Variants in GABRG2 observed in about 807,000 individuals in gnomAD.
GABRG2 encodes gamma-aminobutyric acid receptor subunit gamma-2.
GABRG2 carries 16 observed loss-of-function variants against 56.4 expected under a neutral mutation model. That is an observed-to-expected ratio of 0.28 (90% CI 0.19 to 0.43). GABRG2 has a LOEUF of 0.43. Ranked by LOEUF, GABRG2 falls within the 20% of genes least tolerant of loss-of-function variation. The probability of loss-of-function intolerance (pLI) is 1.00; values close to 1 mark genes in which losing one functional copy is unlikely to be tolerated. For missense variants in GABRG2, 327 were observed against 582.7 expected, an observed-to-expected ratio of 0.56 and a Z score of 4.52; for synonymous variants, 208 against 205.5, an observed-to-expected ratio of 1.01 and a Z score of -0.10.
At chr5:162,075,268 A>G (rs1390796859) in intron 1 of GABRG2, among the ~76,000 whole-genome samples, 4 of 152,146 alleles carry the variant, frequency 2.6e-5, no homozygotes, top group Non-Finnish European at 5.9e-5. Flanking sequence ...TTTGTATAAC[A>G]TTGTGTTCCC....
At chr5:162,080,195 A>C (rs578205609) in intron 1 of GABRG2, among the ~76,000 whole-genome samples, 1 of 152,302 alleles carries the variant, frequency 6.6e-6, no homozygotes, top group East Asian at 1.9e-4. Context: ...TGTCTGGGGG[A>C]AAGCAGACAG....
intron 1 of GABRG2, among the ~76,000 whole-genome samples, chr5:162,081,535 C>G (rs1180707003): frequency 6.6e-6 from 1 of 151,930 alleles, no homozygotes; most frequent in Non-Finnish European, 1.5e-5. Context: ...TAAAACTGAT[C>G]TGTTACTCAT....
intron 1 of GABRG2, among the ~76,000 whole-genome samples, chr5:162,083,836 C>T (rs966659552): frequency 1.4e-4 from 22 of 151,762 alleles, no homozygotes; most frequent in African/African-American, 4.6e-4. Flanking sequence ...TCACTGTTTC[C>T]CAAGTTCAAC....
At chr5:162,126,849 G>C (rs1415256234) in intron 6 of GABRG2, among the ~76,000 whole-genome samples, 1 of 151,938 alleles carries the variant, frequency 6.6e-6, no homozygotes, top group Non-Finnish European at 1.5e-5. Flanking sequence ...AAGGCACTTT[G>C]CAATCTGGAA....
chr5:162,122,430 T>TA (rs545806889), intron 6 of GABRG2, among the ~76,000 whole-genome samples: 1 of 151,760 alleles, frequency 6.6e-6, no homozygotes, highest in Non-Finnish European at 1.5e-5. Context: ...TGAATACATT[T>TA]AAAAAATTAA....
chr5:162,146,510 C>G (rs982399341), intron 7 of GABRG2, among the ~76,000 whole-genome samples: 1 of 151,998 alleles, frequency 6.6e-6, no homozygotes, highest in Non-Finnish European at 1.5e-5. Context: ...AAAAATATCT[C>G]CCAAAAGTCA....
intron 6 of GABRG2, among the ~76,000 whole-genome samples, chr5:162,106,411 A>T (rs565402153): frequency 6.6e-6 from 1 of 152,264 alleles, no homozygotes; most frequent in South Asian, 2.1e-4. Context: ...AAAGGGCTGA[A>T]TTGAACATTA....
intron 6 of GABRG2, among the ~76,000 whole-genome samples, chr5:162,129,482 G>GA (rs890340392): frequency 1.2e-3 from 174 of 147,158 alleles, no homozygotes; most frequent in African/African-American, 3.7e-3. Context: ...TTTAAAAAGT[G>GA]AAAAAAAAAA....
chr5:162,091,559 C>T (rs1760590094), intron 1 of GABRG2, among the ~76,000 whole-genome samples: 2 of 151,976 alleles, frequency 1.3e-5, no homozygotes, highest in African/African-American at 4.8e-5. Context: ...GAAAGCAGAA[C>T]TAGCATTTCC....
At chr5:162,116,383 G>A (rs1762627530) in intron 6 of GABRG2, among the ~76,000 whole-genome samples, 1 of 151,798 alleles carries the variant, frequency 6.6e-6, no homozygotes, top group South Asian at 2.1e-4. Flanking sequence ...ATTAAAGTAA[G>A]AACAATCTCA....
intron 6 of GABRG2, among the ~76,000 whole-genome samples, chr5:162,118,177 AC>A (rs1242845732): frequency 1.3e-5 from 2 of 150,776 alleles, no homozygotes. Context: ...AAAAACCCAA[AC>A]TATTGCTGTT....
At chr5:162,149,357 T>G in intron 8 of GABRG2, 44 bp downstream of exon 8, 1 of 1,594,408 alleles carries the variant, frequency 6.3e-7, no homozygotes, top group Non-Finnish European at 8.6e-7. Context: ...TTTTATGATT[T>G]CGGTTTAGTT....
intron 6 of GABRG2, among the ~76,000 whole-genome samples, chr5:162,123,605 A>G (rs762603360): frequency 3.3e-5 from 5 of 151,940 alleles, no homozygotes; most frequent in Non-Finnish European, 7.4e-5. Flanking sequence ...AATCACATGT[A>G]TATTTTTAAA....
At chr5:162,117,080 C>T (rs1249211139) in intron 6 of GABRG2, among the ~76,000 whole-genome samples, 1 of 152,166 alleles carries the variant, frequency 6.6e-6, no homozygotes, top group East Asian at 1.9e-4. Flanking sequence ...GACTGTCTCA[C>T]TCTGTCAGTG....
chr5:162,099,227 T>G (rs1761227897), intron 4 of GABRG2: 1 of 152,108 alleles, frequency 6.6e-6, no homozygotes, highest in Non-Finnish European at 1.5e-5. Context: ...TCATGGCTTT[T>G]GTAAACTTAG....
At chr5:162,148,596 C>G (rs913383623) in intron 7 of GABRG2, among the ~76,000 whole-genome samples, 1 of 152,138 alleles carries the variant, frequency 6.6e-6, no homozygotes, top group Non-Finnish European at 1.5e-5. Flanking sequence ...TTTTAATCCC[C>G]TTGTCCCTTC....
chr5:162,077,466 T>G (rs995089780), intron 1 of GABRG2, among the ~76,000 whole-genome samples: 2 of 152,314 alleles, frequency 1.3e-5, no homozygotes, highest in Middle Eastern at 3.4e-3. Flanking sequence ...TGTACAAGTG[T>G]TGCTGTAGGC....
rs180871364 is a variant in GABRG2 at position 162,113,159 on chromosome 5, C to G, written c.769+9133C>G. Among the ~76,000 whole-genome samples the G allele has an allele frequency of 5.8e-3, 875 of 152,066 alleles. 13 individuals are homozygous for G. The highest frequency in any genetic ancestry group is 0.02 in the African/African-American group (835 of 41,494). Reference sequence around the variant, plus strand: ...TTCACCATGTTGGCCAGTTTGGTCTCAAGCTCCCGACCTCAGGTGATACAT... The same window carrying G: ...TTCACCATGTTGGCCAGTTTGGTCTGAAGCTCCCGACCTCAGGTGATACAT... On this transcript the variant is annotated intron_variant, in intron 6 of 9. Coordinates refer to ENST00000639213, the MANE Select transcript of GABRG2 (RefSeq NM_198904.4).
In GABRG2 at chr5:162,092,407, A is replaced by C. The variant is rs577651809; in HGVS notation, c.108-1421A>C. 6.6e-5 allele frequency among the ~76,000 whole-genome samples: 10 copies of C among 152,300 alleles called. No individual in the cohort carries two copies. In the South Asian group the frequency reaches 1.4e-3, roughly 22 times the overall value. ...CATACAGCTTTAAAGGAATGAAAAAAGAGGTTACTGTAATCATTAAGTTGA... is the reference window on the plus strand; with the variant it reads ...CATACAGCTTTAAAGGAATGAAAAACGAGGTTACTGTAATCATTAAGTTGA... On this transcript the variant is annotated intron_variant, in intron 1 of 9. Coordinates refer to ENST00000639213, the MANE Select transcript of GABRG2 (RefSeq NM_198904.4).
Sources: allele counts gnomAD v4.1 joint callset (sites outside exome capture counted in the v4.1 genomes callset), GRCh38; gene constraint gnomAD v4.1.1; transcripts MANE v1.5; gene names NCBI Gene and HGNC (gene_info 2026-07-23, HGNC 2026-07-21).